MECOM: variants seen among roughly 807,000 people sequenced by gnomAD.
The protein encoded by MECOM is MDS1 and EVI1 complex locus.
Under a neutral mutation model 116.3 loss-of-function variants are expected in MECOM, and 13 were observed. That is an observed-to-expected ratio of 0.11 (90% CI 0.07 to 0.18). MECOM has a LOEUF of 0.18. Among genes scored for constraint, MECOM ranks in the 10% least tolerant of loss-of-function variants. The probability of loss-of-function intolerance (pLI) is 1.00; values close to 1 mark genes in which losing one functional copy is unlikely to be tolerated. For synonymous variants in MECOM, 528 were observed against 535.2 expected (o/e 0.99, Z 0.19); for missense variants, 1,299 against 1,509.0 (o/e 0.86, Z 2.31).
At chr3:169,243,763 C>G (rs748007559) in intron 2 of MECOM, among the ~76,000 whole-genome samples, 26 of 152,176 alleles carry the variant, frequency 1.7e-4, no homozygotes, top group Non-Finnish European at 3.5e-4. Context: ...GAAACATACT[C>G]TGAAACGTCA....
intron 2 of MECOM, among the ~76,000 whole-genome samples, chr3:169,354,642 C>T (rs530871378): frequency 4.4e-4 from 67 of 151,858 alleles, no homozygotes; most frequent in Non-Finnish European, 9.1e-4. Context: ...TAAAAGAATT[C>T]GTGTTTTATG....
At chr3:169,637,290 G>A (rs114734680) in intron 1 of MECOM, among the ~76,000 whole-genome samples, 36 of 152,200 alleles carry the variant, frequency 2.4e-4, no homozygotes, top group East Asian at 7.7e-4. Flanking sequence ...ACATGAGACC[G>A]CAAATGAGAC....
At chr3:169,205,568 A>C (rs1749809770) in intron 2 of MECOM, among the ~76,000 whole-genome samples, 3 of 152,188 alleles carry the variant, frequency 2.0e-5, no homozygotes, top group Admixed American at 2.0e-4. Context: ...AGTTATTTAA[A>C]TTCTTGAGAC....
chr3:169,537,245 T>C (rs1049323642), intron 1 of MECOM, among the ~76,000 whole-genome samples: 2 of 152,236 alleles, frequency 1.3e-5, no homozygotes, highest in Admixed American at 1.3e-4. Flanking sequence ...CAAATGTACC[T>C]GCAGTTATAG....
At chr3:169,240,870 A>C (rs1280207766) in intron 2 of MECOM, among the ~76,000 whole-genome samples, 3 of 152,170 alleles carry the variant, frequency 2.0e-5, no homozygotes, top group Non-Finnish European at 4.4e-5. Flanking sequence ...ACACTTAGCT[A>C]ATGCTTTCTC....
At chr3:169,258,146 G>A (rs766566929) in intron 2 of MECOM, among the ~76,000 whole-genome samples, 6 of 152,218 alleles carry the variant, frequency 3.9e-5, no homozygotes, top group Non-Finnish European at 8.8e-5. Context: ...CTTGAACCCG[G>A]GAGACAGAGG....
chr3:169,284,829 G>A (rs888240118), intron 2 of MECOM, among the ~76,000 whole-genome samples: 2 of 152,114 alleles, frequency 1.3e-5, no homozygotes, highest in African/African-American at 4.8e-5. Context: ...AATTTCTCAT[G>A]TTAGTGTTGC....
At chr3:169,484,934 G>A (rs78735417) in intron 1 of MECOM, among the ~76,000 whole-genome samples, 3,596 of 152,114 alleles carry the variant, frequency 0.024, 110 homozygotes, top group African/African-American at 0.072. Context: ...GCCTATTAAC[G>A]GGGCTTCAAG....
chr3:169,266,683 G>A (rs185942995), intron 2 of MECOM, among the ~76,000 whole-genome samples: 88 of 152,158 alleles, frequency 5.8e-4, no homozygotes, highest in African/African-American at 1.8e-3. Context: ...CTTTAATACT[G>A]GCAATTTGAG....
At chr3:169,559,965 G>A (rs1318124238) in intron 1 of MECOM, among the ~76,000 whole-genome samples, 1 of 152,038 alleles carries the variant, frequency 6.6e-6, no homozygotes, top group African/African-American at 2.4e-5. Flanking sequence ...TTTCATACAG[G>A]ATAATCTGAA....
intron 2 of MECOM, among the ~76,000 whole-genome samples, chr3:169,175,749 A>C (rs1475563178): frequency 6.6e-6 from 1 of 152,200 alleles, no homozygotes; most frequent in Non-Finnish European, 1.5e-5. Flanking sequence ...AAATACTTTA[A>C]TAGGAGTAAA....
intron 2 of MECOM, among the ~76,000 whole-genome samples, chr3:169,271,025 G>C (rs1344604159): frequency 6.6e-6 from 1 of 152,150 alleles, no homozygotes; most frequent in East Asian, 1.9e-4. Flanking sequence ...ATTTTCCCTG[G>C]CCTGAGCACT....
At chr3:169,621,071 A>G (rs1320191613) in intron 1 of MECOM, among the ~76,000 whole-genome samples, 1 of 152,210 alleles carries the variant, frequency 6.6e-6, no homozygotes, top group African/African-American at 2.4e-5. Flanking sequence ...TTTCCCTTGC[A>G]GCTTAGAAAG....
At chr3:169,110,240 CT>C (rs769831947) in intron 9 of MECOM, among the ~76,000 whole-genome samples, 7 of 152,176 alleles carry the variant, frequency 4.6e-5, no homozygotes, top group Non-Finnish European at 1.0e-4. Flanking sequence ...CAATAAGCAT[CT>C]TTTCAAGCAC....
chr3:169,091,668 A>G (rs542143050), intron 14 of MECOM, among the ~76,000 whole-genome samples: 21 of 152,220 alleles, frequency 1.4e-4, no homozygotes, highest in African/African-American at 4.8e-4. Context: ...AGTAAAGGGA[A>G]AGGTACATCC....
chr3:169,322,015 C>T (rs1335034804), intron 2 of MECOM, among the ~76,000 whole-genome samples: 1 of 152,204 alleles, frequency 6.6e-6, no homozygotes, highest in Non-Finnish European at 1.5e-5. Flanking sequence ...CTCCATGTAT[C>T]TCCAGCTTTG....
At chr3:169,150,273 C>T (rs2149323559) in intron 2 of MECOM, among the ~76,000 whole-genome samples, 1 of 152,270 alleles carries the variant, frequency 6.6e-6, no homozygotes, top group Admixed American at 6.5e-5. Flanking sequence ...AAGGATTTTG[C>T]AAGGGGCTTG....
intron 10 of MECOM, among the ~76,000 whole-genome samples, chr3:169,103,552 C>G (rs752699551): frequency 1.6e-4 from 24 of 152,100 alleles, no homozygotes; most frequent in Non-Finnish European, 2.1e-4. Context: ...GATGCTAGAC[C>G]AGAAGACACA....
chr3:169,176,290 C>T (rs1745157657), intron 2 of MECOM, among the ~76,000 whole-genome samples: 2 of 152,012 alleles, frequency 1.3e-5, no homozygotes, highest in Non-Finnish European at 1.5e-5. Context: ...AGGGAAGTCT[C>T]CCTCAGGAAA....
Sources: gnomAD v4.1 joint callset for allele counts (sites outside exome capture counted in the v4.1 genomes callset) on GRCh38, gnomAD v4.1.1 for gene constraint, MANE v1.5 for transcripts, NCBI Gene and HGNC (gene_info 2026-07-23, HGNC 2026-07-21) for gene names.